The following FOCAD variants were observed in gnomAD, a reference collection of about 807,000 sequenced individuals.
FOCAD encodes focadhesin.
A neutral mutation model predicts 225.6 loss-of-function variants in FOCAD; 198 were observed. The observed-to-expected ratio is 0.88, with a 90% CI of 0.78 to 0.99. The LOEUF (loss-of-function observed/expected upper bound fraction) is 0.99, where lower values mean the gene tolerates loss of function less well. Ranked by LOEUF, FOCAD falls within the 50% of genes least tolerant of loss-of-function variation. The probability of loss-of-function intolerance (pLI) is 0.00; values close to 1 mark genes in which losing one functional copy is unlikely to be tolerated. For synonymous variants in FOCAD, 897 were observed against 755.0 expected, an observed-to-expected ratio of 1.19 and a Z score of -3.08; for missense variants, 2,713 against 2,123.6, an observed-to-expected ratio of 1.28 and a Z score of -5.46.
chr9:20,743,640 G>T (rs1421460911), intron 5 of FOCAD, among the ~76,000 whole-genome samples: 1 of 152,126 alleles, frequency 6.6e-6, no homozygotes, highest in Non-Finnish European at 1.5e-5. Context: ...TCTTGCATAA[G>T]AACCACTGGG....
intron 24 of FOCAD, among the ~76,000 whole-genome samples, chr9:20,919,015 T>TA (rs1251542399): frequency 6.6e-6 from 1 of 152,130 alleles, no homozygotes; most frequent in Non-Finnish European, 1.5e-5. Context: ...TGTTCAGAGC[T>TA]AGAAGTTAAA....
intron 21 of FOCAD, among the ~76,000 whole-genome samples, chr9:20,891,851 A>G (rs1473045807): frequency 6.6e-6 from 1 of 152,222 alleles, no homozygotes; most frequent in African/African-American, 2.4e-5. Context: ...AGAGCTGTCT[A>G]TTGGCAGAAG....
chr9:20,751,154 ATT>A (rs71496857), intron 5 of FOCAD, among the ~76,000 whole-genome samples: 88 of 145,726 alleles, frequency 6.0e-4, no homozygotes, highest in East Asian at 1.8e-3. Flanking sequence ...CTCCACTTCC[ATT>A]TTTTTTTTTA....
At chr9:20,841,772 G>A (rs916624329) in intron 15 of FOCAD, among the ~76,000 whole-genome samples, 1 of 150,672 alleles carries the variant, frequency 6.6e-6, no homozygotes, top group African/African-American at 2.4e-5. Flanking sequence ...TTTCATCTTT[G>A]TTATTTCTTT....
chr9:20,986,897 A>C (rs1334004629), intron 40 of FOCAD, among the ~76,000 whole-genome samples: 1 of 152,210 alleles, frequency 6.6e-6, no homozygotes. Flanking sequence ...CTGGGATGAG[A>C]ATAATCAAAT....
intron 14 of FOCAD, among the ~76,000 whole-genome samples, chr9:20,822,734 T>C (rs1824459340): frequency 6.6e-6 from 1 of 151,994 alleles, no homozygotes; most frequent in Admixed American, 6.6e-5. Flanking sequence ...ATAGGATTTG[T>C]GATTTAGAGT....
intron 8 of FOCAD, among the ~76,000 whole-genome samples, chr9:20,773,787 G>A (rs1190246042): frequency 6.6e-6 from 1 of 152,092 alleles, no homozygotes; most frequent in Non-Finnish European, 1.5e-5. Flanking sequence ...CCTGCAGTTT[G>A]TGTGCTGAAT....
chr9:20,856,402 T>C (rs1228123491), intron 15 of FOCAD, among the ~76,000 whole-genome samples: 1 of 152,072 alleles, frequency 6.6e-6, no homozygotes, highest in East Asian at 1.9e-4. Context: ...GATAAATATC[T>C]ATTCAGATGT....
intron 1 of FOCAD, among the ~76,000 whole-genome samples, chr9:20,702,176 C>T (rs1824010965): frequency 6.6e-6 from 1 of 152,040 alleles, no homozygotes; most frequent in South Asian, 2.1e-4. Flanking sequence ...GATAATAGCT[C>T]ACTGTAGCCT....
At chr9:20,748,933 A>T (rs528948529) in intron 5 of FOCAD, among the ~76,000 whole-genome samples, 3 of 152,262 alleles carry the variant, frequency 2.0e-5, no homozygotes, top group Non-Finnish European at 2.9e-5. Flanking sequence ...TAATTGAAAG[A>T]TTGGGATTAT....
chr9:20,880,842 C>A lies in FOCAD; in HGVS notation c.2318-1029C>A, dbSNP rs552328675. On this transcript the variant is annotated intron_variant, in intron 19 of 43. Transcript: ENST00000338382. The stretch of plus-strand genomic sequence containing the variant: ...GGTTTTCTTTTTTCATTTTCCGCTA[C>A]ATATGATTTGTTTAGCTTTAATGTT... 7.2e-5 allele frequency among the ~76,000 whole-genome samples: 11 copies of A among 152,256 alleles called. No homozygotes were observed. The South Asian group carries it at 1.5e-3, about 20-fold the overall frequency.
rs116962921 is a variant in FOCAD at position 20,943,722 on chromosome 9, G to A, written c.3408-905G>A. ...AGAAATGCCCTGGAATGTCTTCTTC[G>A]GCAGCAGATATCATGATGAGAGGCA... On this transcript the variant is annotated intron_variant, in intron 28 of 43. Coordinates refer to ENST00000338382, the MANE Select transcript of FOCAD (RefSeq NM_001375567.1). 9.5e-4 allele frequency among the ~76,000 whole-genome samples: 145 copies of A among 152,192 alleles called. 1 individual carries two copies. In the East Asian group the frequency reaches 0.025, roughly 26 times the overall value.
At chr9:20,909,178 G>T (rs1395207289) in intron 22 of FOCAD, among the ~76,000 whole-genome samples, 1 of 152,090 alleles carries the variant, frequency 6.6e-6, no homozygotes, top group Non-Finnish European at 1.5e-5. Context: ...GCTATGGTTT[G>T]TTGAGTAACT....
intron 24 of FOCAD, among the ~76,000 whole-genome samples, chr9:20,917,450 G>A (rs1019716790): frequency 9.9e-5 from 15 of 152,272 alleles, no homozygotes; most frequent in Non-Finnish European, 1.9e-4. Flanking sequence ...TTACTTGAGT[G>A]TCACTGCCTT....
chr9:20,981,617 C>T lies in FOCAD; in HGVS notation c.4569C>T (p.Ala1523=), dbSNP rs1274124265. 3.7e-6 allele frequency: 6 copies of T among 1,614,008 alleles called. No homozygotes were observed. The highest frequency in any genetic ancestry group is 1.7e-5 in the Admixed American group (1 of 60,022). The change falls in exon 38 of 44, where the codon GCC becomes GCT. Residue 1523 remains alanine, a synonymous_variant. Transcript: ENST00000338382. ...LSQAMKLPSP[A]HHLWSLLSEA... is the part of the protein sequence containing the mutation. The stretch of plus-strand genomic sequence containing the variant: ...AGGCCATGAAACTGCCCAGCCCTGC[C>T]CACCACCTCTGGAGTCTGCTCTCTG...
chr9:20,674,376 T>C (rs1315403789), intron 2 of FOCAD, among the ~76,000 whole-genome samples: 1 of 152,220 alleles, frequency 6.6e-6, no homozygotes, highest in African/African-American at 2.4e-5. Context: ...ACTGTATTTA[T>C]ACCATGGAAG....
intron 4 of FOCAD, among the ~76,000 whole-genome samples, chr9:20,738,211 A>G (rs1030676805): frequency 6.6e-6 from 1 of 152,250 alleles, no homozygotes; most frequent in African/African-American, 2.4e-5. Flanking sequence ...GAATGTGAAC[A>G]GTTCCAAAGG....
At chr9:20,716,626 C>T (rs557030490) in intron 2 of FOCAD, among the ~76,000 whole-genome samples, 13 of 152,122 alleles carry the variant, frequency 8.5e-5, no homozygotes, top group African/African-American at 2.9e-4. Context: ...TTATTAGGTT[C>T]TTGTGATTGT....
At chr9:20,989,456 A>G (rs1437502975) in intron 41 of FOCAD, among the ~76,000 whole-genome samples, 1 of 152,220 alleles carries the variant, frequency 6.6e-6, no homozygotes, top group African/African-American at 2.4e-5. Flanking sequence ...TGGCTCCTAT[A>G]ATCACCATTT....
Sources: gnomAD v4.1 joint callset for allele counts (sites outside exome capture counted in the v4.1 genomes callset) on GRCh38, gnomAD v4.1.1 for gene constraint, MANE v1.5 for transcripts, NCBI Gene and HGNC (gene_info 2026-07-23, HGNC 2026-07-21) for gene names.